The following TASP1 variants were observed in gnomAD, a reference collection of about 807,000 sequenced individuals.
TASP1 encodes the protein taspase 1.
A neutral mutation model predicts 56.6 loss-of-function variants in TASP1; 16 were observed. The observed-to-expected ratio is 0.28, with a 90% CI of 0.19 to 0.43. The LOEUF (loss-of-function observed/expected upper bound fraction) is 0.43, where lower values mean the gene tolerates loss of function less well. TASP1 is among the 20% of genes least tolerant of loss of function. The probability of loss-of-function intolerance (pLI) is 1.00; values close to 1 mark genes in which losing one functional copy is unlikely to be tolerated. For synonymous variants in TASP1, 179 were observed against 184.2 expected (o/e 0.97, Z 0.23); for missense variants, 393 against 511.6 (o/e 0.77, Z 2.24).
chr20:13,182,275 C>G, the TASP1 span, among the ~76,000 whole-genome samples: 2 of 152,176 alleles, frequency 1.3e-5, no homozygotes, highest in African/African-American at 4.8e-5. Context: ...CTTTTCTTTA[C>G]AAGAGTAATT....
the TASP1 span, among the ~76,000 whole-genome samples, chr20:13,163,882 A>G: frequency 6.6e-6 from 1 of 152,208 alleles, no homozygotes; most frequent in African/African-American, 2.4e-5. Context: ...GTGATATACT[A>G]GAATTGAAAA....
At chr20:13,174,957 T>A in the TASP1 span, among the ~76,000 whole-genome samples, 1 of 152,152 alleles carries the variant, frequency 6.6e-6, no homozygotes, top group Non-Finnish European at 1.5e-5. Flanking sequence ...AATGGTTTTA[T>A]AAATGCAAAT....
At chr20:13,110,276 C>A in the TASP1 span, 9 of 1,404,088 alleles carry the variant, frequency 6.4e-6, no homozygotes, top group Non-Finnish European at 8.9e-6. Flanking sequence ...CTGACCAGTG[C>A]GGAAAGGCTC....
At chr20:13,277,169 T>C in the TASP1 span, among the ~76,000 whole-genome samples, 1 of 152,152 alleles carries the variant, frequency 6.6e-6, no homozygotes, top group African/African-American at 2.4e-5. Context: ...TTGACGGTAA[T>C]AGCTTGAAAC....
intron 1 of TASP1, among the ~76,000 whole-genome samples, chr20:13,638,677 G>C (rs1044967155): frequency 1.1e-4 from 16 of 152,188 alleles, no homozygotes; most frequent in South Asian, 2.1e-4. Context: ...ATGAGGCTGG[G>C]AAGGGGGACG....
the TASP1 span, among the ~76,000 whole-genome samples, chr20:13,249,208 C>A: frequency 6.6e-6 from 1 of 152,274 alleles, no homozygotes; most frequent in Admixed American, 6.5e-5. Context: ...TCCTAATGAT[C>A]TTCTGTTCTC....
the TASP1 span, among the ~76,000 whole-genome samples, chr20:13,197,146 A>G: frequency 6.6e-6 from 1 of 152,176 alleles, no homozygotes; most frequent in Admixed American, 6.6e-5. Context: ...GCAACACACA[A>G]AAGAAACAGA....
the TASP1 span, chr20:13,166,902 C>T: frequency 6.6e-6 from 1 of 152,322 alleles, no homozygotes; most frequent in East Asian, 1.9e-4. Flanking sequence ...TTGTGGGAAA[C>T]TACTTACCTA....
chr20:13,575,714 A>G (rs1439522488), intron 6 of TASP1, among the ~76,000 whole-genome samples: 2 of 152,170 alleles, frequency 1.3e-5, no homozygotes, highest in Non-Finnish European at 2.9e-5. Context: ...ACCTACAGCA[A>G]TCATCTTACT....
the TASP1 span, among the ~76,000 whole-genome samples, chr20:13,234,807 G>T: frequency 1.3e-5 from 2 of 152,096 alleles, no homozygotes; most frequent in Admixed American, 6.6e-5. Context: ...AGGTCATTTG[G>T]TTTTTTCTTG....
chr20:13,365,385 GAT>G, the TASP1 span, among the ~76,000 whole-genome samples: 2 of 152,164 alleles, frequency 1.3e-5, no homozygotes, highest in Admixed American at 1.3e-4. Context: ...ACCAAAAAAA[GAT>G]AATAATTTGA....
At chr20:13,492,159 AC>A (rs2043555621) in intron 10 of TASP1, among the ~76,000 whole-genome samples, 2 of 152,178 alleles carry the variant, frequency 1.3e-5, no homozygotes. Context: ...CCCCTGGCAC[AC>A]CACACGTCTC....
At chr20:13,113,164 CAG>C in the TASP1 span, among the ~76,000 whole-genome samples, 1 of 152,102 alleles carries the variant, frequency 6.6e-6, no homozygotes, top group Admixed American at 6.5e-5. Context: ...GCCTGGGAGA[CAG>C]AGAGAGACTC....
intron 8 of TASP1, among the ~76,000 whole-genome samples, chr20:13,540,338 T>A (rs2045575552): frequency 6.6e-6 from 1 of 152,212 alleles, no homozygotes; most frequent in Admixed American, 6.5e-5. Context: ...TCAAAATTTA[T>A]AAGTTCTACA....
At chr20:13,417,325 A>G in intron 13 of TASP1, 123 bp downstream of exon 13, 1 of 844,878 alleles carries the variant, frequency 1.2e-6, no homozygotes, top group Admixed American at 2.6e-5. Context: ...TCGGATGCTT[A>G]TGAAGACCAC....
chr20:13,326,522 C>G, the TASP1 span, among the ~76,000 whole-genome samples: 1 of 122,754 alleles, frequency 8.1e-6, no homozygotes, highest in Non-Finnish European at 1.6e-5. Flanking sequence ...CTCACCAACA[C>G]TTGGTATGAA....
Position 13,578,625 on chromosome 20 carries a change from C to T in TASP1, c.488+2272G>A, listed in dbSNP as rs6131490. Among the ~76,000 whole-genome samples, 695 of 152,124 alleles carry T rather than the reference C, an allele frequency of 4.6e-3. 25 individuals carry two copies. The East Asian group carries it at 0.1, about 23-fold the overall frequency. On this transcript the variant is annotated intron_variant, in intron 6 of 13. Transcript: ENST00000337743. Reference sequence around the variant, plus strand: ...ACACTTTTTTACTTTTGGGTTTGGGCTTTTTCTTAGTGATGTGACATCGGA... The same window carrying T: ...ACACTTTTTTACTTTTGGGTTTGGGTTTTTTCTTAGTGATGTGACATCGGA...
intron 10 of TASP1, among the ~76,000 whole-genome samples, chr20:13,515,050 T>C (rs183655674): frequency 5.1e-4 from 78 of 152,296 alleles, no homozygotes; most frequent in African/African-American, 1.7e-3. Context: ...GATTCAGCAC[T>C]ATGCCTTTCT....
the TASP1 span, chr20:13,270,775 A>G: frequency 6.3e-7 from 1 of 1,599,044 alleles, no homozygotes; most frequent in Non-Finnish European, 8.5e-7. Flanking sequence ...ATGGGAGATA[A>G]CAAAACAGTC....
Sources: gnomAD v4.1 joint callset for allele counts (sites outside exome capture counted in the v4.1 genomes callset) on GRCh38, gnomAD v4.1.1 for gene constraint, MANE v1.5 for transcripts, NCBI Gene and HGNC (gene_info 2026-07-23, HGNC 2026-07-21) for gene names.